DCAF17: variants seen among roughly 807,000 people sequenced by gnomAD.
DCAF17 encodes the protein DDB1- and CUL4-associated factor 17.
A neutral mutation model predicts 66.0 loss-of-function variants in DCAF17; 48 were observed. The ratio of observed to expected loss-of-function variants is 0.73; its 90% CI spans 0.58 to 0.92. The LOEUF (loss-of-function observed/expected upper bound fraction) is 0.92, where lower values mean the gene tolerates loss of function less well. DCAF17 is among the 40% of genes least tolerant of loss of function. DCAF17 has a pLI of 0.00. For synonymous variants in DCAF17, 206 were observed against 214.6 expected, an observed-to-expected ratio of 0.96 and a Z score of 0.35; for missense variants, 562 against 622.8, an observed-to-expected ratio of 0.90 and a Z score of 1.04.
chr2:171,467,872 T>C (rs1696012152), intron 8 of DCAF17, among the ~76,000 whole-genome samples: 1 of 152,158 alleles, frequency 6.6e-6, no homozygotes, highest in African/African-American at 2.4e-5. Context: ...ATTGTCCTTA[T>C]GAAGATGCTT....
chr2:171,440,401 C>G lies in DCAF17; in HGVS notation c.231-3122C>G, dbSNP rs114807440. Among the ~76,000 whole-genome samples, 226 of 152,098 alleles carry G rather than the reference C, an allele frequency of 1.5e-3. 4 individuals are homozygous for G. In the East Asian group the frequency reaches 0.017, roughly 11 times the overall value. Reference sequence around the variant, plus strand: ...ACCAGCCTAACCAACATGGCAAAACCCCATCTCTACAAAAAATATCAACAT... The same window carrying G: ...ACCAGCCTAACCAACATGGCAAAACGCCATCTCTACAAAAAATATCAACAT... On this transcript the variant is annotated intron_variant, in intron 2 of 13. Transcript: ENST00000375255.
rs1696576345 is a variant in DCAF17 at position 171,478,017 on chromosome 2, G to A, written c.1213G>A (p.Gly405Arg). The A allele has an allele frequency of 1.9e-6, 3 of 1,613,798 alleles. No individual in the cohort carries two copies. Among genetic ancestry groups the A allele is most frequent in the Non-Finnish European group, 2.5e-6 (3 of 1,179,892 alleles). The change falls in exon 12 of 14, where the codon GGA (glycine) becomes AGA (arginine). Residue 405 changes from glycine (G) to arginine (R), a missense_variant. Transcript: ENST00000375255. The stretch of plus-strand genomic sequence containing the variant: ...AAATGTACTCACTGTTACAGCTTCT[G>A]GACGGGTGGTAAAAAAAAGTTTTAA... ...NENVLTVTAS[G>R]RVVKKSFNLL...
chr2:171,474,048 C>G, intron 10 of DCAF17, 73 bp downstream of exon 10: 1 of 1,282,686 alleles, frequency 7.8e-7, no homozygotes, highest in African/African-American at 1.5e-5. Context: ...TTATTTTTGC[C>G]AGCGAACTAG....
intron 8 of DCAF17, among the ~76,000 whole-genome samples, chr2:171,464,038 TTAA>T (rs1190522081): frequency 6.6e-6 from 1 of 152,246 alleles, no homozygotes; most frequent in African/African-American, 2.4e-5. Context: ...GTTATTATTC[TTAA>T]TGATGTTCAA....
At chr2:171,440,087 G>A (rs1466472785) in intron 2 of DCAF17, among the ~76,000 whole-genome samples, 1 of 152,156 alleles carries the variant, frequency 6.6e-6, no homozygotes, top group Non-Finnish European at 1.5e-5. Context: ...TCAGCCTCCT[G>A]AGTATAGCTG....
Position 171,483,818 on chromosome 2 carries a change from A to T in DCAF17, c.*2704A>T, listed in dbSNP as rs1696842178. The T allele has an allele frequency of 2.2e-6, 1 of 453,978 alleles. No homozygotes were observed. The highest frequency in any genetic ancestry group is 2.0e-5 in the African/African-American group (1 of 50,008). The allele number at this position is 453,978 out of a possible 1,614,324, so 28.1% of individuals were successfully genotyped here. On this transcript the variant is annotated 3_prime_UTR_variant, in exon 14 of 14. Transcript: ENST00000375255. Reference sequence around the variant, plus strand: ...AGGAAAGTGAGGCTCACAGAAGTTAATTGGCCCAGGGTCCCACAACTAGTC... The same window carrying T: ...AGGAAAGTGAGGCTCACAGAAGTTATTTGGCCCAGGGTCCCACAACTAGTC...
Position 171,481,138 on chromosome 2 carries a change from A to C in DCAF17, c.*24A>C, listed in dbSNP as rs775915730. 2 of 1,613,016 alleles carry C rather than the reference A, an allele frequency of 1.2e-6. No individual in the cohort carries two copies. Among genetic ancestry groups the C allele is most frequent in the Non-Finnish European group, 1.7e-6 (2 of 1,179,246 alleles). On this transcript the variant is annotated 3_prime_UTR_variant, in exon 14 of 14. Coordinates refer to ENST00000375255, the MANE Select transcript of DCAF17 (RefSeq NM_025000.4). ...AAAAAGAGTGAGATAATTGTAACCTAAGAGACTTTTAGCCAAACACCCCAG... is the reference window on the plus strand; with the variant it reads ...AAAAAGAGTGAGATAATTGTAACCTCAGAGACTTTTAGCCAAACACCCCAG...
chr2:171,448,889 G>A lies in DCAF17; in HGVS notation c.458+72G>A, dbSNP rs533825166. ...AAACCTGTGGCCCATGAAATTTCAA[G>A]CCTTTTTTCCCTGTCAGTTTTCTAA... is the stretch of plus-strand genomic sequence containing the variant. On this transcript the variant is annotated intron_variant, in intron 4 of 13. Transcript: ENST00000375255. The A allele has an allele frequency of 8.4e-6, 12 of 1,425,240 alleles. No homozygotes were observed. In the East Asian group the frequency reaches 2.1e-4, roughly 25 times the overall value. The allele number at this position is 1,425,240 out of a possible 1,614,324, so 88.3% of individuals were successfully genotyped here. A position where few individuals can be genotyped will look rare whatever the true frequency, so the allele number is the denominator to read the frequency against.
Position 171,434,382 on chromosome 2 carries a change from TG to T in DCAF17, c.-194del. ...TGCTTCTTCCCTTCTCTCCGCGCTC[TG>T]GCGGTGCAAGCGGCTCTGCTTTCCC... On this transcript the variant is annotated 5_prime_UTR_variant, in exon 1 of 14. Transcript: ENST00000375255. 2 of 918,606 alleles carry T rather than the reference TG, an allele frequency of 2.2e-6. No homozygotes were observed. The highest frequency in any genetic ancestry group is 3.4e-6 in the Non-Finnish European group (2 of 589,432). 56.9% of individuals were successfully genotyped at this position (918,606 alleles called of 1,614,324 possible).
chr2:171,482,418 A>G lies in DCAF17; in HGVS notation c.*1304A>G, dbSNP rs1696782255. The G allele has an allele frequency of 2.2e-6, 1 of 453,762 alleles. No homozygotes were observed. The highest frequency in any genetic ancestry group is 4.4e-6 in the Non-Finnish European group (1 of 226,748). 28.1% of individuals were successfully genotyped at this position (453,762 alleles called of 1,614,324 possible). ...GTTAAGAATGATGTGAATTCTTCCC[A>G]GTTCTGCCCTGGTGCTAGACATTGC... On this transcript the variant is annotated 3_prime_UTR_variant, in exon 14 of 14. Transcript: ENST00000375255.
At chr2:171,452,367 T>G (rs1695003839) in intron 5 of DCAF17, among the ~76,000 whole-genome samples, 3 of 152,146 alleles carry the variant, frequency 2.0e-5, no homozygotes, top group African/African-American at 7.2e-5. Context: ...GTAAGGAGGC[T>G]ATCCTTTTCA....
At chr2:171,475,608 T>TA (rs1696460703) in intron 10 of DCAF17, among the ~76,000 whole-genome samples, 1 of 151,954 alleles carries the variant, frequency 6.6e-6, no homozygotes, top group Non-Finnish European at 1.5e-5. Context: ...CTACAAAAAA[T>TA]AAAAAATAGC....
At chr2:171,435,908 T>G (rs1693895268) in intron 2 of DCAF17, among the ~76,000 whole-genome samples, 1 of 152,202 alleles carries the variant, frequency 6.6e-6, no homozygotes, top group Non-Finnish European at 1.5e-5. Context: ...CACAGATACA[T>G]GTAATCACTA....
chr2:171,435,892 T>C (rs752132163), intron 2 of DCAF17, among the ~76,000 whole-genome samples: 6 of 152,250 alleles, frequency 3.9e-5, no homozygotes, highest in Non-Finnish European at 7.3e-5. Context: ...TAATATTTAA[T>C]GCATTCACAG....
chr2:171,470,400 G>A (rs913170438), intron 9 of DCAF17, among the ~76,000 whole-genome samples: 1 of 152,122 alleles, frequency 6.6e-6, no homozygotes, highest in African/African-American at 2.4e-5. Context: ...GCACGTTACA[G>A]ATCACCTTTT....
At chr2:171,455,479 G>A (rs1695206907) in intron 6 of DCAF17, among the ~76,000 whole-genome samples, 2 of 152,148 alleles carry the variant, frequency 1.3e-5, no homozygotes, top group Admixed American at 1.3e-4. Context: ...ATGTGCATGT[G>A]TCTTTTATAT....
chr2:171,448,584 G>C (rs1574339377), intron 3 of DCAF17, 97 bp from the exon 4 acceptor site: 2 of 1,086,702 alleles, frequency 1.8e-6, no homozygotes, highest in East Asian at 5.1e-5. Flanking sequence ...TTATTTATTT[G>C]GCATTTGAAT....
chr2:171,475,305 C>CA (rs1489175871), intron 10 of DCAF17, among the ~76,000 whole-genome samples: 2 of 152,148 alleles, frequency 1.3e-5, no homozygotes, highest in African/African-American at 4.8e-5. Flanking sequence ...TCCTTTGTAG[C>CA]ACTTAGGGCA....
intron 8 of DCAF17, among the ~76,000 whole-genome samples, chr2:171,463,682 G>A (rs1049502958): frequency 6.6e-6 from 1 of 152,126 alleles, no homozygotes; most frequent in Non-Finnish European, 1.5e-5. Flanking sequence ...CTAATTTTGT[G>A]ATTACAAATA....
Sources: allele counts gnomAD v4.1 joint callset (sites outside exome capture counted in the v4.1 genomes callset), GRCh38; gene constraint gnomAD v4.1.1; transcripts MANE v1.5; gene names NCBI Gene and HGNC (gene_info 2026-07-23, HGNC 2026-07-21).